Variants in ZNF638 observed in about 807,000 individuals in gnomAD.
ZNF638 encodes the protein zinc finger protein 638.
In ZNF638, 46 loss-of-function variants were observed where a neutral mutation model predicts 195.6. That is an observed-to-expected ratio of 0.24 (90% CI 0.19 to 0.30). ZNF638 has a LOEUF of 0.30. ZNF638 is among the 10% of genes least tolerant of loss of function. ZNF638 has a pLI of 1.00. For missense variants in ZNF638, 2,440 were observed against 2,325.3 expected (o/e 1.05, Z -1.01); for synonymous variants, 845 against 772.0 (o/e 1.09, Z -1.57).
At position 71,398,865 on chromosome 2, in the gene ZNF638, T is replaced by G. The variant is rs532918141; in HGVS notation, c.2500+93T>G. On this transcript the variant is annotated intron_variant, in intron 12 of 27. Transcript: ENST00000264447. The stretch of plus-strand genomic sequence containing the variant: ...TTTTTAGCATCTAATACTTGAAGAG[T>G]TTAGTAGATATTTCCTTGATATTTA... The G allele has an allele frequency of 3.6e-6, 4 of 1,116,632 alleles. No homozygotes were observed. In the Admixed American group the frequency reaches 6.8e-5, roughly 19 times the overall value. 69.2% of individuals were successfully genotyped at this position (1,116,632 alleles called of 1,614,324 possible).
At position 71,422,905 on chromosome 2, in the gene ZNF638, A is replaced by G. The variant is rs1439086120; in HGVS notation, c.3391A>G (p.Ser1131Gly). Residue 1131 changes from serine to glycine, a missense_variant, in exon 22 of 28, where the codon AGT (serine) becomes GGT (glycine). Ser to Gly is a moderately conservative substitution (Grantham distance 56). Transcript: ENST00000264447. ...SVKPNELEEE[S>G]TPSIQTETLV... ...TAAACCTAATGAGCTTGAAGAAGAAAGTACTCCCAGCATTCAAACAGAAAC... is the reference window on the plus strand; with the variant it reads ...TAAACCTAATGAGCTTGAAGAAGAAGGTACTCCCAGCATTCAAACAGAAAC... 3.1e-6 allele frequency: 5 copies of G among 1,614,102 alleles called. No individual in the cohort carries two copies. The highest frequency in any genetic ancestry group is 3.4e-6 in the Non-Finnish European group (4 of 1,179,984).
Position 71,426,884 on chromosome 2 carries a change from A to G in ZNF638, c.5015A>G (p.Gln1672Arg), listed in dbSNP as rs2080550696. The change falls in exon 24 of 28, where the codon CAA becomes CGA. Residue 1672 changes from glutamine (Q) to arginine (R), a missense_variant. Around this residue, in one of 5 missense-constraint regions of ZNF638, gnomAD observed 1,883 missense variants for 1,739.1 expected, o/e 1.08. Transcript: ENST00000264447. ...DVTVLSVAEE[Q>R]DLLKQERLVT... is the part of the protein sequence containing the mutation. ...ACTGTTCTGTCAGTGGCTGAAGAAC[A>G]AGATCTCCTCAAACAGGAACGCTTG... 1.6e-5 allele frequency: 26 copies of G among 1,614,086 alleles called. No homozygotes were observed. The highest frequency in any genetic ancestry group is 2.1e-5 in the Non-Finnish European group (25 of 1,180,024).
chr2:71,341,018 TAA>T (rs1330707946), intron 1 of ZNF638, among the ~76,000 whole-genome samples: 2 of 152,228 alleles, frequency 1.3e-5, no homozygotes, highest in African/African-American at 4.8e-5. Context: ...TGGTTTTGGA[TAA>T]AGTCTGCCCA....
chr2:71,421,934 T>G (rs3732257), intron 21 of ZNF638, among the ~76,000 whole-genome samples: 15,098 of 152,238 alleles, frequency 0.099, 819 homozygotes, highest in Non-Finnish European at 0.12. Flanking sequence ...AGTACTGGAA[T>G]TATAGGACTA....
At chr2:71,366,847 G>A (rs1027681223) in intron 6 of ZNF638, among the ~76,000 whole-genome samples, 4 of 151,886 alleles carry the variant, frequency 2.6e-5, no homozygotes, top group African/African-American at 7.3e-5. Context: ...ACGATACTAA[G>A]GTATTGTTTT....
chr2:71,357,513 A>T (rs1013062331), intron 3 of ZNF638, among the ~76,000 whole-genome samples: 1 of 152,170 alleles, frequency 6.6e-6, no homozygotes, highest in Non-Finnish European at 1.5e-5. Flanking sequence ...ACCCAGTGGG[A>T]TGTCTTAATT....
chr2:71,331,884 G>C lies in ZNF638; in HGVS notation c.-203+9G>C. 1 of 986,426 alleles carries C rather than the reference G, an allele frequency of 1.0e-6. No individual in the cohort carries two copies. Among genetic ancestry groups the C allele is most frequent in the Non-Finnish European group, 1.2e-6 (1 of 830,388 alleles). The allele number at this position is 986,426 out of a possible 1,614,324, so 61.1% of individuals were successfully genotyped here. On this transcript the variant is annotated intron_variant, in intron 1 of 27. Transcript: ENST00000264447. The stretch of plus-strand genomic sequence containing the variant: ...TAGTCGGGTAGGCATAGGTAGGACC[G>C]CTGCCCTGTGGGGAGTAGGGGGTTG...
At chr2:71,431,629 G>A (rs928491110) in intron 26 of ZNF638, among the ~76,000 whole-genome samples, 3 of 152,056 alleles carry the variant, frequency 2.0e-5, no homozygotes, top group Non-Finnish European at 2.9e-5. Context: ...ACGTGGTGGC[G>A]GGCGCCTGTA....
In ZNF638 at chr2:71,406,113, CT is replaced by C; in HGVS notation, c.3001-13del. 2.5e-6 allele frequency: 4 copies of C among 1,612,742 alleles called. No homozygotes were observed. The highest frequency in any genetic ancestry group is 3.4e-6 in the Non-Finnish European group (4 of 1,179,196). On this transcript the variant is annotated splice_polypyrimidine_tract_variant and intron_variant, in intron 18 of 27. Transcript: ENST00000264447. ...AGCTGTGGTTTTTTCTGTGCTGTCTCTTAAAAAACTACAGGCAAACATAGAT... is the reference window on the plus strand; with the variant it reads ...AGCTGTGGTTTTTTCTGTGCTGTCTCTAAAAAACTACAGGCAAACATAGAT...
intron 27 of ZNF638, among the ~76,000 whole-genome samples, chr2:71,434,405 G>T (rs896463641): frequency 6.6e-6 from 1 of 152,138 alleles, no homozygotes; most frequent in South Asian, 2.1e-4. Flanking sequence ...CAATTACGTT[G>T]TTGCACTGTC....
In ZNF638 at chr2:71,385,420, G is replaced by A. The variant is rs948359553; in HGVS notation, c.2377+4855G>A. On this transcript the variant is annotated intron_variant, in intron 10 of 27. Coordinates refer to ENST00000264447, the MANE Select transcript of ZNF638 (RefSeq NM_014497.5). ...AGTGGATGAATGGCTATTTTAAAAAGTTTTATATTATAAAATTTCATGTAT... is the reference window on the plus strand; with the variant it reads ...AGTGGATGAATGGCTATTTTAAAAAATTTTATATTATAAAATTTCATGTAT... Among the ~76,000 whole-genome samples, 5 of 152,226 alleles carry A rather than the reference G, an allele frequency of 3.3e-5. No individual in the cohort carries two copies. The South Asian group carries it at 1.0e-3, about 32-fold the overall frequency.
At chr2:71,332,491 G>C (rs190823428) in intron 1 of ZNF638, among the ~76,000 whole-genome samples, 5 of 152,240 alleles carry the variant, frequency 3.3e-5, no homozygotes, top group Non-Finnish European at 7.3e-5. Context: ...GCTGCGTAGT[G>C]CAGGTATGAA....
At chr2:71,419,870 TA>T (rs942803248) in intron 21 of ZNF638, among the ~76,000 whole-genome samples, 1 of 150,828 alleles carries the variant, frequency 6.6e-6, no homozygotes, top group African/African-American at 2.4e-5. Flanking sequence ...ACATAGCTTT[TA>T]AAATTGAATA....
At chr2:71,405,576 A>G (rs748297240) in intron 17 of ZNF638, 25 bp from the exon 18 acceptor site, 32 of 1,464,946 alleles carry the variant, frequency 2.2e-5, no homozygotes, top group Non-Finnish European at 2.7e-5. Context: ...TATACCATCA[A>G]CCTTTATCTA....
intron 8 of ZNF638, among the ~76,000 whole-genome samples, chr2:71,377,847 A>T (rs1436315196): frequency 6.6e-6 from 1 of 152,230 alleles, no homozygotes; most frequent in African/African-American, 2.4e-5. Flanking sequence ...CTAGGCAGAA[A>T]ACAGTTTAAC....
At chr2:71,365,360 A>T (rs1478365036) in intron 5 of ZNF638, 69 bp from the exon 6 acceptor site, 5 of 1,282,948 alleles carry the variant, frequency 3.9e-6, no homozygotes, top group Non-Finnish European at 5.3e-6. Context: ...GCACTATGTG[A>T]TTATGTCATG....
chr2:71,353,047 C>G (rs190147179), intron 2 of ZNF638, among the ~76,000 whole-genome samples: 1 of 149,790 alleles, frequency 6.7e-6, no homozygotes, highest in East Asian at 2.3e-4. Flanking sequence ...TACACACTGC[C>G]TCTCGTTTCT....
chr2:71,395,747 A>T (rs2079879733), intron 10 of ZNF638: 1 of 388,426 alleles, frequency 2.6e-6, no homozygotes, highest in Non-Finnish European at 4.8e-6. Flanking sequence ...AGCCGCACTC[A>T]TGCAAAATAC....
At chr2:71,397,700 T>C (rs896969123) in intron 11 of ZNF638, among the ~76,000 whole-genome samples, 4 of 152,336 alleles carry the variant, frequency 2.6e-5, no homozygotes, top group East Asian at 1.9e-4. Context: ...CTAGTTGTTA[T>C]GAATCCTAAT....
Sources: gnomAD v4.1 joint callset for allele counts (sites outside exome capture counted in the v4.1 genomes callset) on GRCh38, gnomAD v4.1.1 for gene constraint, gnomAD v4.1.1 regional missense constraint, MANE v1.5 for transcripts, NCBI Gene and HGNC (gene_info 2026-07-23, HGNC 2026-07-21) for gene names.